The following HS6ST3 variants were observed in gnomAD, a reference collection of about 807,000 sequenced individuals.
HS6ST3 encodes the protein heparan sulfate 6-O-sulfotransferase 3.
HS6ST3 carries 12 observed loss-of-function variants against 36.7 expected under a neutral mutation model. The observed-to-expected ratio is 0.33, with a 90% CI of 0.21 to 0.53. The LOEUF (loss-of-function observed/expected upper bound fraction) is 0.53, where lower values mean the gene tolerates loss of function less well. Ranked by LOEUF, HS6ST3 falls within the 20% of genes least tolerant of loss-of-function variation. HS6ST3 has a pLI of 0.95. For missense variants in HS6ST3, 584 were observed against 640.9 expected, an observed-to-expected ratio of 0.91 and a Z score of 0.96; for synonymous variants, 240 against 257.5, an observed-to-expected ratio of 0.93 and a Z score of 0.65.
chr13:96,786,754 A>G (rs915828390), intron 1 of HS6ST3, among the ~76,000 whole-genome samples: 2 of 152,154 alleles, frequency 1.3e-5, no homozygotes, highest in Admixed American at 6.6e-5. Flanking sequence ...ATATAGTCAA[A>G]TTGACCTTTT....
chr13:96,194,970 AGAG>A (rs1245088331), intron 1 of HS6ST3, among the ~76,000 whole-genome samples: 12 of 152,186 alleles, frequency 7.9e-5, no homozygotes, highest in Non-Finnish European at 1.5e-5. Flanking sequence ...GATTAGACTT[AGAG>A]GTCATGTGCT....
chr13:96,355,133 A>G (rs556287527), intron 1 of HS6ST3, among the ~76,000 whole-genome samples: 2 of 152,316 alleles, frequency 1.3e-5, no homozygotes, highest in African/African-American at 4.8e-5. Context: ...CAAATTAAAT[A>G]AAAAGTAAAA....
chr13:96,135,207 A>G (rs2053995229), intron 1 of HS6ST3, among the ~76,000 whole-genome samples: 1 of 152,100 alleles, frequency 6.6e-6, no homozygotes, highest in Non-Finnish European at 1.5e-5. Flanking sequence ...GGTTTATGGG[A>G]GACTGCTGGG....
intron 1 of HS6ST3, among the ~76,000 whole-genome samples, chr13:96,115,440 C>T (rs980622281): frequency 1.3e-5 from 2 of 152,128 alleles, no homozygotes; most frequent in Non-Finnish European, 2.9e-5. Flanking sequence ...TGTTGTTCCC[C>T]ACCCTGTGTC....
At chr13:96,411,685 C>G (rs903943710) in intron 1 of HS6ST3, among the ~76,000 whole-genome samples, 5 of 152,098 alleles carry the variant, frequency 3.3e-5, no homozygotes, top group Admixed American at 6.5e-5. Flanking sequence ...TGGCCGGAAA[C>G]CTGATTAGAG....
At chr13:96,709,700 G>C (rs908793131) in intron 1 of HS6ST3, among the ~76,000 whole-genome samples, 1 of 152,156 alleles carries the variant, frequency 6.6e-6, no homozygotes, top group Non-Finnish European at 1.5e-5. Flanking sequence ...CCTGATCCTA[G>C]ACTTGTAGCC....
chr13:96,119,081 T>C (rs2053912744), intron 1 of HS6ST3, among the ~76,000 whole-genome samples: 1 of 152,182 alleles, frequency 6.6e-6, no homozygotes, highest in African/African-American at 2.4e-5. Context: ...CTTATGTTAC[T>C]AAATGCATGC....
At chr13:96,338,381 C>T (rs962217090) in intron 1 of HS6ST3, among the ~76,000 whole-genome samples, 2 of 152,182 alleles carry the variant, frequency 1.3e-5, no homozygotes, top group Non-Finnish European at 2.9e-5. Context: ...GGGGCTCACA[C>T]TTCTCTCTGC....
chr13:96,312,742 A>G (rs2054947771), intron 1 of HS6ST3, among the ~76,000 whole-genome samples: 1 of 152,050 alleles, frequency 6.6e-6, no homozygotes, highest in Non-Finnish European at 1.5e-5. Context: ...GCCTGAGGAC[A>G]GGAGTTGCAG....
At chr13:96,666,756 A>G (rs918130912) in intron 1 of HS6ST3, among the ~76,000 whole-genome samples, 1 of 152,112 alleles carries the variant, frequency 6.6e-6, no homozygotes, top group Non-Finnish European at 1.5e-5. Flanking sequence ...TTACTTCTTT[A>G]TAAAATAGTT....
At chr13:96,756,915 A>G (rs1876844727) in intron 1 of HS6ST3, among the ~76,000 whole-genome samples, 1 of 152,136 alleles carries the variant, frequency 6.6e-6, no homozygotes, top group Non-Finnish European at 1.5e-5. Context: ...GTGGCTTAAA[A>G]CAATACACAT....
At chr13:96,414,032 C>G (rs967435657) in intron 1 of HS6ST3, among the ~76,000 whole-genome samples, 1 of 152,158 alleles carries the variant, frequency 6.6e-6, no homozygotes, top group Non-Finnish European at 1.5e-5. Flanking sequence ...TCAGAAATGA[C>G]AAAGTCAAAA....
chr13:96,210,891 G>A (rs544740849), intron 1 of HS6ST3, among the ~76,000 whole-genome samples: 77 of 151,670 alleles, frequency 5.1e-4, no homozygotes, highest in Admixed American at 4.5e-3. Flanking sequence ...CCCACACCCA[G>A]CCAGTGTTGT....
At chr13:96,158,823 G>T (rs1483306264) in intron 1 of HS6ST3, among the ~76,000 whole-genome samples, 1 of 151,812 alleles carries the variant, frequency 6.6e-6, no homozygotes, top group Admixed American at 6.6e-5. Context: ...AAGGAGAACT[G>T]AGAGCCCAGG....
intron 1 of HS6ST3, among the ~76,000 whole-genome samples, chr13:96,612,316 C>T (rs956071342): frequency 1.3e-5 from 2 of 151,916 alleles, no homozygotes; most frequent in African/African-American, 2.4e-5. Flanking sequence ...TTCTTGGTTT[C>T]CCCCAACCCC....
At chr13:96,274,300 G>T (rs545345834) in intron 1 of HS6ST3, among the ~76,000 whole-genome samples, 2 of 151,766 alleles carry the variant, frequency 1.3e-5, no homozygotes, top group Non-Finnish European at 2.9e-5. Context: ...ATTTCTGTTG[G>T]GCATAAGCTT....
intron 1 of HS6ST3, chr13:96,169,656 G>A (rs777963851): frequency 6.6e-6 from 1 of 152,186 alleles, no homozygotes; most frequent in Non-Finnish European, 1.5e-5. Context: ...TGTGCCAATC[G>A]GGTGTCCGCA....
intron 1 of HS6ST3, among the ~76,000 whole-genome samples, chr13:96,658,296 T>TTTTTTTTTTTTTTTC (rs1467303957): frequency 6.4e-4 from 56 of 87,374 alleles, no homozygotes; most frequent in Non-Finnish European, 9.9e-4. Flanking sequence ...TTTTTTTTTT[T>TTTTTTTTTTTTTTTC]TTGAGATGGC....
At chr13:96,714,292 T>C (rs904264830) in intron 1 of HS6ST3, among the ~76,000 whole-genome samples, 7 of 152,030 alleles carry the variant, frequency 4.6e-5, no homozygotes, top group Admixed American at 4.6e-4. Context: ...GGATAACTTC[T>C]ACATATTTAT....
Sources: gnomAD v4.1 joint callset for allele counts (sites outside exome capture counted in the v4.1 genomes callset) on GRCh38, gnomAD v4.1.1 for gene constraint, MANE v1.5 for transcripts, NCBI Gene and HGNC (gene_info 2026-07-23, HGNC 2026-07-21) for gene names.